The following ITGBL1 variants were observed in gnomAD, a reference collection of about 807,000 sequenced individuals.
ITGBL1 encodes integrin beta-like protein 1.
A neutral mutation model predicts 68.5 loss-of-function variants in ITGBL1; 51 were observed. The observed-to-expected ratio is 0.74, with a 90% CI of 0.59 to 0.94. The LOEUF (loss-of-function observed/expected upper bound fraction) is 0.94, where lower values mean the gene tolerates loss of function less well. Ranked by LOEUF, ITGBL1 falls within the 40% of genes least tolerant of loss-of-function variation. The pLI is 0.00. For synonymous variants in ITGBL1, 209 were observed against 227.3 expected, an observed-to-expected ratio of 0.92 and a Z score of 0.72; for missense variants, 649 against 647.4, an observed-to-expected ratio of 1.00 and a Z score of -0.03.
intron 7 of ITGBL1, among the ~76,000 whole-genome samples, chr13:101,656,672 A>G (rs180778629): frequency 6.6e-6 from 1 of 152,098 alleles, no homozygotes; most frequent in Non-Finnish European, 1.5e-5. Context: ...TTCAAAATCC[A>G]CTCATATTGT....
At chr13:101,651,034 C>A (rs567825103) in intron 7 of ITGBL1, among the ~76,000 whole-genome samples, 26 of 152,098 alleles carry the variant, frequency 1.7e-4, no homozygotes, top group Middle Eastern at 3.4e-3. Context: ...ACCACATTTT[C>A]TTTAGTCTAT....
At chr13:101,530,177 ACTAGAACAAGT>A (rs1259773061) in intron 2 of ITGBL1, among the ~76,000 whole-genome samples, 1 of 152,158 alleles carries the variant, frequency 6.6e-6, no homozygotes, top group African/African-American at 2.4e-5. Flanking sequence ...TAGTACGAAG[ACTAGAACAAGT>A]CTTAGTGTAG....
At chr13:101,606,488 G>A (rs1285298345) in intron 7 of ITGBL1, among the ~76,000 whole-genome samples, 1 of 151,776 alleles carries the variant, frequency 6.6e-6, no homozygotes, top group Non-Finnish European at 1.5e-5. Flanking sequence ...TCCTAGTGTT[G>A]TGCTCAAAAA....
chr13:101,454,947 AG>A (rs2048221785), intron 2 of ITGBL1, among the ~76,000 whole-genome samples: 1 of 152,194 alleles, frequency 6.6e-6, no homozygotes, highest in Non-Finnish European at 1.5e-5. Flanking sequence ...GGAGTGATTC[AG>A]GTTCTGATAT....
At chr13:101,559,181 T>C (rs2050060606) in intron 2 of ITGBL1, among the ~76,000 whole-genome samples, 1 of 152,188 alleles carries the variant, frequency 6.6e-6, no homozygotes, top group South Asian at 2.1e-4. Context: ...CATGGTTGCT[T>C]TTAGTAGCAA....
chr13:101,499,144 G>C (rs772950897), intron 2 of ITGBL1, among the ~76,000 whole-genome samples: 1 of 152,126 alleles, frequency 6.6e-6, no homozygotes, highest in Non-Finnish European at 1.5e-5. Flanking sequence ...GCACAATTTT[G>C]CCTTGTGTTA....
rs545316550 is a variant in ITGBL1, at chr13:101,468,499, A to G, written c.316+14399A>G. Among the ~76,000 whole-genome samples the G allele has an allele frequency of 5.3e-5, 8 of 152,330 alleles. No individual in the cohort carries two copies. The East Asian group carries it at 1.5e-3, about 29-fold the overall frequency. ...CCAACTATTGTGCTAAGTAAGCCTG[A>G]GGAGAAATTCCTCCCACCCCAAATC... is the stretch of plus-strand genomic sequence containing the variant. On this transcript the variant is annotated intron_variant, in intron 2 of 10. Coordinates refer to ENST00000376180, the MANE Select transcript of ITGBL1 (RefSeq NM_004791.3).
intron 2 of ITGBL1, among the ~76,000 whole-genome samples, chr13:101,497,164 C>A (rs1325378379): frequency 6.6e-6 from 1 of 152,204 alleles, no homozygotes; most frequent in East Asian, 1.9e-4. Flanking sequence ...TTAGAAGTAG[C>A]CTTCTGGCTC....
At chr13:101,471,564 GTGTGTA>G (rs1222819731) in intron 2 of ITGBL1, among the ~76,000 whole-genome samples, 29 of 139,784 alleles carry the variant, frequency 2.1e-4, no homozygotes, top group East Asian at 1.7e-3. Context: ...GTGTGTGTGT[GTGTGTA>G]TATATATTTC....
chr13:101,671,674 A>G lies in ITGBL1; in HGVS notation c.1016-20911A>G, dbSNP rs531875011. On this transcript the variant is annotated intron_variant, in intron 7 of 10. Coordinates refer to ENST00000376180, the MANE Select transcript of ITGBL1 (RefSeq NM_004791.3). ...AGGATGGTCTCGATCTCCTGACCTC[A>G]TGATCCGCCCACCTCTGCCTCCCAA... Among the ~76,000 whole-genome samples, 3 of 151,518 alleles carry G rather than the reference A, an allele frequency of 2.0e-5. No homozygotes were observed. The South Asian group carries it at 6.3e-4, about 32-fold the overall frequency.
At chr13:101,670,958 G>A (rs761757110) in intron 7 of ITGBL1, among the ~76,000 whole-genome samples, 1 of 152,152 alleles carries the variant, frequency 6.6e-6, no homozygotes, top group Non-Finnish European at 1.5e-5. Context: ...ATCTTAAAAT[G>A]TTACATGCGA....
At chr13:101,517,603 A>C (rs2049216333) in intron 2 of ITGBL1, among the ~76,000 whole-genome samples, 1 of 152,184 alleles carries the variant, frequency 6.6e-6, no homozygotes, top group South Asian at 2.1e-4. Context: ...CCACTAAATG[A>C]TATCATAATC....
At chr13:101,471,232 T>C (rs552759795) in intron 2 of ITGBL1, among the ~76,000 whole-genome samples, 63 of 152,330 alleles carry the variant, frequency 4.1e-4, no homozygotes, top group African/African-American at 1.4e-3. Context: ...GGGAAGTTAG[T>C]TGATTTGCTT....
At chr13:101,558,877 A>C (rs1303291834) in intron 2 of ITGBL1, among the ~76,000 whole-genome samples, 2 of 150,676 alleles carry the variant, frequency 1.3e-5, no homozygotes, top group Non-Finnish European at 2.9e-5. Flanking sequence ...CCTGAATCCC[A>C]AACTAGTGCT....
intron 7 of ITGBL1, among the ~76,000 whole-genome samples, chr13:101,632,149 CTA>C (rs957458892): frequency 0.02 from 2,796 of 141,582 alleles, 79 homozygotes; most frequent in African/African-American, 0.072. Context: ...CTCTCTCTCT[CTA>C]TATATATATA....
chr13:101,479,199 A>AGGTGC (rs1403515640), intron 2 of ITGBL1, among the ~76,000 whole-genome samples: 11 of 152,178 alleles, frequency 7.2e-5, no homozygotes, highest in African/African-American at 2.6e-4. Context: ...CCAAGAACAT[A>AGGTGC]CATTGAGGAA....
At position 101,452,764 on chromosome 13, in the gene ITGBL1, C is replaced by T; in HGVS notation, c.-70C>T. On this transcript the variant is annotated 5_prime_UTR_variant, in exon 1 of 11. Coordinates refer to ENST00000376180, the MANE Select transcript of ITGBL1 (RefSeq NM_004791.3). ...CCATCTGCTGGTGGCACCTCTCCCT[C>T]CTGCCGCCTCCCTCGGTGAACCCCA... 2 of 1,283,980 alleles carry T rather than the reference C, an allele frequency of 1.6e-6. No individual in the cohort carries two copies. The highest frequency in any genetic ancestry group is 1.2e-5 in the South Asian group (1 of 84,178). The allele number at this position is 1,283,980 out of a possible 1,614,324, so 79.5% of individuals were successfully genotyped here.
At chr13:101,620,000 TG>T (rs1291596534) in intron 7 of ITGBL1, among the ~76,000 whole-genome samples, 1 of 152,176 alleles carries the variant, frequency 6.6e-6, no homozygotes, top group Admixed American at 6.6e-5. Flanking sequence ...AATATAATCT[TG>T]GTATATTGTT....
chr13:101,490,098 T>C, intron 2 of ITGBL1: 1 of 786,072 alleles, frequency 1.3e-6, no homozygotes, highest in East Asian at 2.7e-5. Context: ...ACCCCCAGTG[T>C]GATGGTATTT....
Sources: gnomAD v4.1 joint callset for allele counts (sites outside exome capture counted in the v4.1 genomes callset) on GRCh38, gnomAD v4.1.1 for gene constraint, MANE v1.5 for transcripts, NCBI Gene and HGNC (gene_info 2026-07-23, HGNC 2026-07-21) for gene names.